The following FECH variants were observed in gnomAD, a reference collection of about 807,000 sequenced individuals.
FECH encodes ferrochelatase, mitochondrial.
FECH carries 40 observed loss-of-function variants against 56.9 expected under a neutral mutation model. The ratio of observed to expected loss-of-function variants is 0.70; its 90% CI spans 0.55 to 0.92. The LOEUF is 0.92. FECH is among the 40% of genes least tolerant of loss of function. The pLI is 0.00. For synonymous variants in FECH, 175 were observed against 198.6 expected (o/e 0.88, Z 1.00); for missense variants, 431 against 529.1 (o/e 0.81, Z 1.82).
Position 57,580,110 on chromosome 18 carries a change from C to T in FECH, c.157G>A (p.Ala53Thr). 1.2e-6 allele frequency: 2 copies of T among 1,614,166 alleles called. No homozygotes were observed. ...AAVTTETAQH[A>T]QGAKPQVQPQ... Reference sequence around the variant, plus strand: ...TGAACTTGAGGTTTTGCACCCTGGGCATGCTGGGCTGTTTCTGTGGTGACG... The same window carrying T: ...TGAACTTGAGGTTTTGCACCCTGGGTATGCTGGGCTGTTTCTGTGGTGACG... Residue 53 changes from alanine to threonine, a missense_variant, in exon 2 of 11, where the codon GCC becomes ACC. Transcript: ENST00000262093.
At chr18:57,552,111 T>G (rs919740638) in intron 9 of FECH, among the ~76,000 whole-genome samples, 2 of 151,926 alleles carry the variant, frequency 1.3e-5, no homozygotes, top group Admixed American at 1.3e-4. Flanking sequence ...CTCGAACTCC[T>G]GACCTCAAAC....
intron 1 of FECH, among the ~76,000 whole-genome samples, chr18:57,586,150 G>A (rs1397419621): frequency 3.3e-5 from 5 of 152,214 alleles, no homozygotes; most frequent in Middle Eastern, 3.2e-3. Flanking sequence ...GAACTGCAGG[G>A]CAGATGTCCA....
intron 4 of FECH, among the ~76,000 whole-genome samples, chr18:57,570,747 G>A (rs2051093639): frequency 1.3e-5 from 2 of 152,186 alleles, no homozygotes. Context: ...GTCCTGCAAT[G>A]AATTGTGTCT....
intron 2 of FECH, among the ~76,000 whole-genome samples, chr18:57,579,549 T>G (rs571422117): frequency 1.5e-3 from 221 of 152,252 alleles, no homozygotes; most frequent in African/African-American, 4.9e-3. Flanking sequence ...AACAATGCCA[T>G]GCCTGCTGCC....
At chr18:57,568,106 G>C (rs1258728698) in intron 4 of FECH, among the ~76,000 whole-genome samples, 1 of 152,174 alleles carries the variant, frequency 6.6e-6, no homozygotes, top group African/African-American at 2.4e-5. Flanking sequence ...GCAACTCTTG[G>C]TGATTTGAGC....
At chr18:57,574,195 T>C (rs2051154063) in intron 2 of FECH, among the ~76,000 whole-genome samples, 1 of 152,070 alleles carries the variant, frequency 6.6e-6, no homozygotes. Flanking sequence ...TGTTTCGCCA[T>C]GTTGGCCAGG....
intron 6 of FECH, among the ~76,000 whole-genome samples, 192 bp downstream of exon 6, chr18:57,562,682 T>C (rs2050959953): frequency 6.6e-6 from 1 of 152,346 alleles, no homozygotes; most frequent in Non-Finnish European, 1.5e-5. Flanking sequence ...AAGAGTCTAG[T>C]CATTTTAATC....
chr18:57,581,699 T>G (rs921173965), intron 1 of FECH, among the ~76,000 whole-genome samples: 1 of 152,194 alleles, frequency 6.6e-6, no homozygotes, highest in African/African-American at 2.4e-5. Context: ...CAGGGATTCT[T>G]GAAAGGAGTA....
rs994812018 is a variant in FECH, at chr18:57,549,443, A to G, written c.*1269T>C. 2 of 150,160 alleles carry G rather than the reference A, an allele frequency of 1.3e-5. No individual in the cohort carries two copies. Among genetic ancestry groups the G allele is most frequent in the Non-Finnish European group, 3.0e-5 (2 of 67,328 alleles). 9.3% of individuals were successfully genotyped at this position (150,160 alleles called of 1,614,324 possible). A position where few individuals can be genotyped will look rare whatever the true frequency, so the allele number is the denominator to read the frequency against. On this transcript the variant is annotated 3_prime_UTR_variant, in exon 11 of 11. Coordinates refer to ENST00000262093, the MANE Select transcript of FECH (RefSeq NM_000140.5). ...ACTGGCTAAAAAAAAAAAAAAAAAGAAACGCTCTTTTGAAGAACAAAGTTT... is the reference window on the plus strand; with the variant it reads ...ACTGGCTAAAAAAAAAAAAAAAAAGGAACGCTCTTTTGAAGAACAAAGTTT...
intron 2 of FECH, among the ~76,000 whole-genome samples, chr18:57,576,012 G>A (rs750620044): frequency 5.3e-5 from 8 of 152,084 alleles, no homozygotes; most frequent in East Asian, 1.9e-4. Context: ...GCCTTCAACC[G>A]GGGTTTTTCA....
chr18:57,571,667 C>G (rs2051112857), intron 3 of FECH, 127 bp from the exon 4 acceptor site: 1 of 1,395,952 alleles, frequency 7.2e-7, no homozygotes, highest in Non-Finnish European at 9.9e-7. Context: ...GCCTTTAAAA[C>G]AGAAGCTTGA....
intron 6 of FECH, among the ~76,000 whole-genome samples, chr18:57,561,790 C>T (rs1014946242): frequency 5.9e-5 from 9 of 152,184 alleles, no homozygotes; most frequent in Non-Finnish European, 1.2e-4. Context: ...CCTTTCCAAT[C>T]GCAGGCCTCC....
At chr18:57,572,259 G>A (rs1183370333) in intron 3 of FECH, among the ~76,000 whole-genome samples, 1 of 152,126 alleles carries the variant, frequency 6.6e-6, no homozygotes, top group Non-Finnish European at 1.5e-5. Context: ...CATGTCCTTT[G>A]TAGGGACATG....
At chr18:57,579,964 C>G (rs2051251159) in intron 2 of FECH, 109 bp downstream of exon 2, 5 of 1,464,762 alleles carry the variant, frequency 3.4e-6, no homozygotes, top group Non-Finnish European at 4.8e-6. Context: ...GAAAATAGCT[C>G]CTTCCACACT....
At chr18:57,575,498 A>C (rs2051172751) in intron 2 of FECH, among the ~76,000 whole-genome samples, 3 of 152,100 alleles carry the variant, frequency 2.0e-5, no homozygotes, top group African/African-American at 7.2e-5. Flanking sequence ...GCTGGAGTGC[A>C]GTTGCACAAA....
chr18:57,569,106 A>T (rs1369678380), intron 4 of FECH, among the ~76,000 whole-genome samples: 9 of 152,254 alleles, frequency 5.9e-5, no homozygotes, highest in Non-Finnish European at 1.2e-4. Flanking sequence ...TTATTTCATG[A>T]GCATCCCTTA....
chr18:57,550,837 C>A lies in FECH; in HGVS notation c.1147G>T (p.Asp383Tyr). ...GACTGGATGTGTGAATGCACCAAGT[C>A]GGCCAGGGCCTGGAAGATAGACAAG... ...GNPLFSKALA[D>Y]LVHSHIQSNE... is the part of the protein sequence containing the mutation. Residue 383 changes from aspartate to tyrosine, a missense_variant, in exon 11 of 11, where the codon GAC becomes TAC. Coordinates refer to ENST00000262093, the MANE Select transcript of FECH (RefSeq NM_000140.5). 1 of 1,613,732 alleles carries A rather than the reference C, an allele frequency of 6.2e-7. No homozygotes were observed. Among genetic ancestry groups the A allele is most frequent in the South Asian group, 1.1e-5 (1 of 91,016 alleles).
Position 57,544,993 on chromosome 18 carries a change from T to A in FECH, c.*5719A>T, listed in dbSNP as rs1468049279. Among the ~76,000 whole-genome samples the A allele has an allele frequency of 1.3e-5, 2 of 152,146 alleles. No homozygotes were observed. The highest frequency in any genetic ancestry group is 6.5e-5 in the Admixed American group (1 of 15,276). On this transcript the variant is annotated 3_prime_UTR_variant, in exon 11 of 11. Transcript: ENST00000262093. ...TGCCATATATACACTTTTTTTCAGA[T>A]AAGGAAAAGGTAAAAATACAGAATA...
intron 2 of FECH, among the ~76,000 whole-genome samples, chr18:57,579,265 A>ATATATATATATGTGTGTATATC (rs1555681586): frequency 4.4e-4 from 54 of 123,846 alleles, no homozygotes; most frequent in Non-Finnish European, 7.6e-4. Flanking sequence ...AAAAAGATAT[A>ATATATATATATGTGTGTATATC]TATATATATG....
Sources: gnomAD v4.1 joint callset for allele counts (sites outside exome capture counted in the v4.1 genomes callset) on GRCh38, gnomAD v4.1.1 for gene constraint, MANE v1.5 for transcripts, NCBI Gene and HGNC (gene_info 2026-07-23, HGNC 2026-07-21) for gene names.